The following HIF1A variants were observed in gnomAD, a reference collection of about 807,000 sequenced individuals.
The protein encoded by HIF1A is hypoxia inducible factor 1 subunit alpha, also known as hypoxia-inducible factor 1-alpha.
A neutral mutation model predicts 92.7 loss-of-function variants in HIF1A; 24 were observed. The observed-to-expected ratio is 0.26, with a 90% CI of 0.19 to 0.36. The LOEUF is 0.36. Ranked by LOEUF, HIF1A falls within the 10% of genes least tolerant of loss-of-function variation. HIF1A has a pLI of 1.00. For missense variants in HIF1A, 799 were observed against 998.5 expected (o/e 0.80, Z 2.69); for synonymous variants, 319 against 338.7 (o/e 0.94, Z 0.64).
rs879236938 is a variant in HIF1A at position 61,721,781 on chromosome 14, T to C, written c.415T>C (p.Cys139Arg). Residue 139 changes from cysteine to arginine, a missense_variant, in exon 4 of 15, where the codon TGT (cysteine) becomes CGT (arginine). Around this residue, in one of 2 missense-constraint regions of HIF1A, gnomAD observed 516 missense variants for 721.0 expected, o/e 0.72. Transcript: ENST00000337138. ...GHSVFDFTHP[C>R]DHEEMREMLT... ...CAGTGTGTTTGATTTTACTCATCCA[T>C]GTGACCATGAGGAAATGAGAGAAAT... 3 of 1,613,516 alleles carry C rather than the reference T, an allele frequency of 1.9e-6. No homozygotes were observed. The highest frequency in any genetic ancestry group is 1.3e-5 in the African/African-American group (1 of 74,942).
rs371013193 is a variant in HIF1A at position 61,738,240 on chromosome 14, C to G, written c.1403C>G (p.Pro468Arg). ...TPKPLRSSAD[P>R]ALNQEVALKL... is the part of the protein sequence containing the mutation. ...AAGCCACTTCGAAGTAGTGCTGACC[C>G]TGCACTCAATCAAGAAGTTGCATTA... The change falls in exon 10 of 15, where the codon CCT becomes CGT. Residue 468 changes from proline (P) to arginine (R), a missense_variant. Coordinates refer to ENST00000337138, the MANE Select transcript of HIF1A (RefSeq NM_001530.4). 1.2e-6 allele frequency: 2 copies of G among 1,614,132 alleles called. No homozygotes were observed. Among genetic ancestry groups the G allele is most frequent in the Admixed American group, 3.3e-5 (2 of 60,014 alleles).
intron 1 of HIF1A, among the ~76,000 whole-genome samples, chr14:61,706,082 A>G (rs2044236577): frequency 6.6e-6 from 1 of 152,148 alleles, no homozygotes; most frequent in Non-Finnish European, 1.5e-5. Flanking sequence ...TGACCTTCTT[A>G]GGTTCTAGTC....
chr14:61,743,329 C>T (rs1359415767), intron 12 of HIF1A, among the ~76,000 whole-genome samples: 1 of 152,172 alleles, frequency 6.6e-6, no homozygotes, highest in Non-Finnish European at 1.5e-5. Flanking sequence ...CCTCAGCCTC[C>T]CAAAGTGCTG....
At position 61,721,782 on chromosome 14, in the gene HIF1A, G is replaced by A. The variant is rs2140137793; in HGVS notation, c.416G>A (p.Cys139Tyr). The A allele has an allele frequency of 6.2e-7, 1 of 1,613,562 alleles. No homozygotes were observed. Among genetic ancestry groups the A allele is most frequent in the Admixed American group, 1.7e-5 (1 of 60,020 alleles). Residue 139 changes from cysteine to tyrosine, a missense_variant, in exon 4 of 15, where the codon TGT (cysteine) becomes TAT (tyrosine). Physicochemically the swap from Cys to Tyr is radical, Grantham distance 194. Coordinates refer to ENST00000337138, the MANE Select transcript of HIF1A (RefSeq NM_001530.4). ...AGTGTGTTTGATTTTACTCATCCAT[G>A]TGACCATGAGGAAATGAGAGAAATG... ...GHSVFDFTHP[C>Y]DHEEMREMLT... is the part of the protein sequence containing the mutation.
chr14:61,740,408 T>C, intron 10 of HIF1A, 97 bp from the exon 11 acceptor site: 1 of 876,924 alleles, frequency 1.1e-6, no homozygotes, highest in African/African-American at 1.7e-5. Flanking sequence ...TGGTTGTGTG[T>C]TTTCTGGTTT....
At chr14:61,740,008 ATATT>A (rs893799796) in intron 10 of HIF1A, 1 of 150,624 alleles carries the variant, frequency 6.6e-6, no homozygotes, top group African/African-American at 2.4e-5. Context: ...AGAAATATAT[ATATT>A]GGCAAAATTA....
At chr14:61,708,297 C>G (rs556031594) in intron 1 of HIF1A, among the ~76,000 whole-genome samples, 1 of 152,222 alleles carries the variant, frequency 6.6e-6, no homozygotes, top group East Asian at 1.9e-4. Context: ...TGCAGAAGCT[C>G]TTTAGTTTAA....
intron 12 of HIF1A, among the ~76,000 whole-genome samples, 190 bp from the exon 13 acceptor site, chr14:61,744,515 C>CAAAA: frequency 7.6e-6 from 1 of 130,812 alleles, no homozygotes; most frequent in African/African-American, 3.0e-5. Flanking sequence ...CGTGTTTCAC[C>CAAAA]AAAAAAAAAA....
intron 1 of HIF1A, among the ~76,000 whole-genome samples, chr14:61,713,013 C>T (rs992682612): frequency 1.3e-5 from 2 of 151,218 alleles, no homozygotes; most frequent in Non-Finnish European, 2.9e-5. Flanking sequence ...TTAAAAGTTT[C>T]TCTTATAAAT....
chr14:61,730,431 A>G (rs1183007106), intron 6 of HIF1A, among the ~76,000 whole-genome samples: 2 of 152,216 alleles, frequency 1.3e-5, no homozygotes, highest in Admixed American at 1.3e-4. Flanking sequence ...AATATAAACA[A>G]TACCTTCATT....
intron 4 of HIF1A, among the ~76,000 whole-genome samples, chr14:61,724,807 A>G (rs1040417483): frequency 2.8e-4 from 43 of 152,122 alleles, no homozygotes; most frequent in Non-Finnish European, 3.1e-4. Flanking sequence ...CTCTCATTAC[A>G]GTCACCTAAT....
At chr14:61,707,939 C>T (rs2044260442) in intron 1 of HIF1A, among the ~76,000 whole-genome samples, 1 of 152,098 alleles carries the variant, frequency 6.6e-6, no homozygotes, top group East Asian at 1.9e-4. Flanking sequence ...TAAAAGTGTT[C>T]CTGTTTCTCC....
intron 4 of HIF1A, among the ~76,000 whole-genome samples, chr14:61,725,593 T>C (rs1436583857): frequency 2.6e-5 from 4 of 152,060 alleles, no homozygotes; most frequent in African/African-American, 9.7e-5. Flanking sequence ...ATTTATATTT[T>C]TAGTAGAGAT....
chr14:61,744,515 CA>C lies in HIF1A; in HGVS notation c.2094-172del, dbSNP rs35092820. Among the ~76,000 whole-genome samples the C allele has an allele frequency of 6.2e-3, 812 of 130,754 alleles. 6 individuals are homozygous for C. Among genetic ancestry groups the C allele is most frequent in the Non-Finnish European group, 9.1e-3 (580 of 63,482 alleles). The allele number at this position is 130,754 out of a possible 152,430, so 85.8% of individuals were successfully genotyped here. A position where few individuals can be genotyped will look rare whatever the true frequency, so the allele number is the denominator to read the frequency against. The stretch of plus-strand genomic sequence containing the variant: ...CTGACAGAGTAAGACCGTGTTTCAC[CA>C]AAAAAAAAAAAAAAAAATTAAGCTT... On this transcript the variant is annotated intron_variant, in intron 12 of 14. Transcript: ENST00000337138.
At chr14:61,738,566 A>G (rs2044667588) in intron 10 of HIF1A, among the ~76,000 whole-genome samples, 193 bp downstream of exon 10, 1 of 152,248 alleles carries the variant, frequency 6.6e-6, no homozygotes, top group Non-Finnish European at 1.5e-5. Flanking sequence ...AGGCTCAAAG[A>G]TAGTCAGGAA....
At chr14:61,709,219 G>T (rs1443701795) in intron 1 of HIF1A, among the ~76,000 whole-genome samples, 1 of 152,084 alleles carries the variant, frequency 6.6e-6, no homozygotes, top group African/African-American at 2.4e-5. Flanking sequence ...TATAATCAGG[G>T]CTCAAAGATT....
At chr14:61,741,780 A>T (rs2044715204) in intron 12 of HIF1A, among the ~76,000 whole-genome samples, 1 of 152,208 alleles carries the variant, frequency 6.6e-6, no homozygotes, top group South Asian at 2.1e-4. Context: ...TGTTTACAGA[A>T]CTTGTTTAAA....
Position 61,711,207 on chromosome 14 carries a change from CTTTT to C in HIF1A, c.36-9155_36-9152del, listed in dbSNP as rs10615564. ...AGATGATAAAGATGTTTAAGTATTCCTTTTTTTTTTTTTTTTTTTTTTTGAGACA... is the reference window on the plus strand; with the variant it reads ...AGATGATAAAGATGTTTAAGTATTCCTTTTTTTTTTTTTTTTTTTGAGACA... On this transcript the variant is annotated intron_variant, in intron 1 of 14. Coordinates refer to ENST00000337138, the MANE Select transcript of HIF1A (RefSeq NM_001530.4). Among the ~76,000 whole-genome samples the C allele has an allele frequency of 7.2e-4, 62 of 86,128 alleles. 1 individual carries two copies. Among genetic ancestry groups the C allele is most frequent in the African/African-American group, 2.6e-3 (60 of 23,240 alleles). The allele number at this position is 86,128 out of a possible 152,430, so 56.5% of individuals were successfully genotyped here.
intron 1 of HIF1A, 135 bp downstream of exon 1, chr14:61,695,974 C>T: frequency 1.3e-6 from 1 of 746,940 alleles, no homozygotes; most frequent in Non-Finnish European, 2.1e-6. Flanking sequence ...CTGCTCCCCT[C>T]CCCTCTCTTC....
Sources: gnomAD v4.1 joint callset for allele counts (sites outside exome capture counted in the v4.1 genomes callset) on GRCh38, gnomAD v4.1.1 for gene constraint, gnomAD v4.1.1 regional missense constraint, MANE v1.5 for transcripts, NCBI Gene and HGNC (gene_info 2026-07-23, HGNC 2026-07-21) for gene names.